Variants in BCL11A observed in about 807,000 individuals in gnomAD.
BCL11A encodes the protein BCL11 transcription factor A.
In BCL11A, 2 loss-of-function variants were observed where a neutral mutation model predicts 55.9. The ratio of observed to expected loss-of-function variants is 0.04; its 90% CI spans 0.01 to 0.11. The LOEUF (loss-of-function observed/expected upper bound fraction) is 0.11, where lower values mean the gene tolerates loss of function less well. Among genes scored for constraint, BCL11A ranks in the 10% least tolerant of loss-of-function variants. The pLI is 1.00. For synonymous variants in BCL11A, 465 were observed against 473.4 expected (o/e 0.98, Z 0.23); for missense variants, 817 against 1,137.1 (o/e 0.72, Z 4.05).
chr2:60,539,842 C>A (rs1288305442), intron 2 of BCL11A, among the ~76,000 whole-genome samples: 1 of 152,000 alleles, frequency 6.6e-6, no homozygotes, highest in Non-Finnish European at 1.5e-5. Context: ...AACTACGTGG[C>A]AAATTACAAA....
At chr2:60,549,322 G>A (rs753787918) in intron 1 of BCL11A, among the ~76,000 whole-genome samples, 33 of 152,358 alleles carry the variant, frequency 2.2e-4, no homozygotes, top group Non-Finnish European at 4.0e-4. Flanking sequence ...AGAGCTGCCG[G>A]GGAGCGGAGG....
intron 2 of BCL11A, among the ~76,000 whole-genome samples, chr2:60,490,175 A>G (rs1196472011): frequency 6.6e-6 from 1 of 152,130 alleles, no homozygotes; most frequent in Non-Finnish European, 1.5e-5. Flanking sequence ...CGGTCAACCA[A>G]CTCCATCCTC....
intron 2 of BCL11A, among the ~76,000 whole-genome samples, chr2:60,482,854 T>C (rs936125092): frequency 1.3e-5 from 2 of 152,270 alleles, no homozygotes; most frequent in African/African-American, 4.8e-5. Context: ...ACATTTTAAA[T>C]ATCCAACTAG....
At chr2:60,535,761 A>C (rs1289731495) in intron 2 of BCL11A, 3 of 152,258 alleles carry the variant, frequency 2.0e-5, no homozygotes, top group African/African-American at 4.8e-5. Flanking sequence ...GATTTCCTCC[A>C]TTCGGCACCA....
intron 1 of BCL11A, among the ~76,000 whole-genome samples, chr2:60,548,753 T>C (rs1436255961): frequency 1.3e-5 from 2 of 152,204 alleles, no homozygotes; most frequent in East Asian, 3.8e-4. Context: ...TTCAGAGAAA[T>C]ACCAAAACGT....
At chr2:60,506,168 T>G (rs1679578295) in intron 2 of BCL11A, among the ~76,000 whole-genome samples, 1 of 152,214 alleles carries the variant, frequency 6.6e-6, no homozygotes, top group African/African-American at 2.4e-5. Flanking sequence ...AAAGAACACC[T>G]GGGCCCAAAA....
At chr2:60,550,438 A>G (rs529914596) in intron 1 of BCL11A, among the ~76,000 whole-genome samples, 2 of 152,124 alleles carry the variant, frequency 1.3e-5, no homozygotes, top group African/African-American at 4.8e-5. Context: ...TCCTCCCCGG[A>G]CGAGAATCGC....
intron 2 of BCL11A, among the ~76,000 whole-genome samples, chr2:60,523,771 G>A (rs190340340): frequency 3.9e-5 from 6 of 152,036 alleles, no homozygotes; most frequent in Non-Finnish European, 7.4e-5. Flanking sequence ...AATCATACGA[G>A]CACACAGGAG....
At chr2:60,532,050 G>A (rs1052225849) in intron 2 of BCL11A, among the ~76,000 whole-genome samples, 1 of 151,992 alleles carries the variant, frequency 6.6e-6, no homozygotes, top group African/African-American at 2.4e-5. Context: ...TCAGCCTCAC[G>A]CCTCACCCCA....
At chr2:60,521,367 G>A (rs560019471) in intron 2 of BCL11A, among the ~76,000 whole-genome samples, 1 of 152,200 alleles carries the variant, frequency 6.6e-6, no homozygotes, top group Non-Finnish European at 1.5e-5. Context: ...CCGGGCCTGG[G>A]CCTGGGCCTG....
At chr2:60,493,107 T>C (rs1437343932) in intron 2 of BCL11A, among the ~76,000 whole-genome samples, 1 of 152,248 alleles carries the variant, frequency 6.6e-6, no homozygotes, top group Non-Finnish European at 1.5e-5. Flanking sequence ...GTGTTTAATT[T>C]CTTCCACAGA....
At chr2:60,452,535 C>A (rs767456942), downstream of BCL11A, 4 of 1,487,064 alleles carry the variant, frequency 2.7e-6, no homozygotes, top group Non-Finnish European at 2.8e-6. Flanking sequence ...GTCGACTGGG[C>A]GGCACGCGTC....
At chr2:60,496,828 C>T (rs940860537) in intron 2 of BCL11A, among the ~76,000 whole-genome samples, 2 of 152,156 alleles carry the variant, frequency 1.3e-5, no homozygotes, top group Non-Finnish European at 1.5e-5. Flanking sequence ...TACATCAACC[C>T]CTTCCTCAAA....
At chr2:60,481,662 C>G (rs571479816) in intron 2 of BCL11A, among the ~76,000 whole-genome samples, 1 of 152,282 alleles carries the variant, frequency 6.6e-6, no homozygotes, top group East Asian at 1.9e-4. Flanking sequence ...TTTCTTGACG[C>G]TCCACCCCCT....
intron 2 of BCL11A, among the ~76,000 whole-genome samples, chr2:60,516,581 G>A (rs1055345455): frequency 3.9e-5 from 6 of 152,216 alleles, no homozygotes; most frequent in Non-Finnish European, 7.3e-5. Context: ...CAGGGAACTC[G>A]TGTCAGGAGT....
intron 2 of BCL11A, among the ~76,000 whole-genome samples, chr2:60,508,193 C>A (rs569769558): frequency 1.1e-3 from 165 of 152,292 alleles, no homozygotes; most frequent in African/African-American, 3.9e-3. Flanking sequence ...AGGCCCAGCA[C>A]TGTCTACCCC....
At chr2:60,520,325 A>G (rs1668921845) in intron 2 of BCL11A, among the ~76,000 whole-genome samples, 1 of 151,948 alleles carries the variant, frequency 6.6e-6, no homozygotes, top group South Asian at 2.1e-4. Context: ...TTTTTTTTTC[A>G]AGACATGAGG....
At chr2:60,509,105 T>C (rs1679826947) in intron 2 of BCL11A, among the ~76,000 whole-genome samples, 2 of 152,200 alleles carry the variant, frequency 1.3e-5, no homozygotes, top group Non-Finnish European at 2.9e-5. Context: ...AATCACAGGC[T>C]TCTGGTCTAA....
chr2:60,497,610 A>G (rs1679025839), intron 2 of BCL11A, among the ~76,000 whole-genome samples: 1 of 77,378 alleles, frequency 1.3e-5, no homozygotes, highest in Admixed American at 1.6e-4. Context: ...TGGTGATGAT[A>G]ATGACCATTA....
Sources: allele counts gnomAD v4.1 joint callset (sites outside exome capture counted in the v4.1 genomes callset), GRCh38; gene constraint gnomAD v4.1.1; transcripts MANE v1.5; gene names NCBI Gene and HGNC (gene_info 2026-07-23, HGNC 2026-07-21).